Variants in CCDC150 observed in about 807,000 individuals in gnomAD.
CCDC150 encodes the protein coiled-coil domain containing 150, also known as coiled-coil domain-containing protein 150.
A neutral mutation model predicts 156.5 loss-of-function variants in CCDC150; 151 were observed. That is an observed-to-expected ratio of 0.97 (90% confidence interval 0.85 to 1.10). The LOEUF is 1.10. Among genes scored for constraint, CCDC150 ranks in the 50% least tolerant of loss-of-function variants. The pLI is 0.00. For synonymous variants in CCDC150, 452 were observed against 429.4 expected, an observed-to-expected ratio of 1.05 and a Z score of -0.65; for missense variants, 1,312 against 1,268.1, an observed-to-expected ratio of 1.03 and a Z score of -0.53.
intron 15 of CCDC150, among the ~76,000 whole-genome samples, chr2:196,706,202 G>C (rs1482770680): frequency 6.6e-6 from 1 of 152,210 alleles, no homozygotes. Context: ...TTGTTGAGCA[G>C]TGGTTTGTAG....
intron 13 of CCDC150, among the ~76,000 whole-genome samples, chr2:196,687,763 G>A (rs1294222727): frequency 1.3e-5 from 2 of 152,086 alleles, no homozygotes; most frequent in Admixed American, 6.5e-5. Context: ...GCTATTTTGA[G>A]TTAATTTTTG....
At chr2:196,641,102 A>G (rs1190736894) in intron 1 of CCDC150, among the ~76,000 whole-genome samples, 3 of 152,026 alleles carry the variant, frequency 2.0e-5, no homozygotes, top group South Asian at 2.1e-4. Flanking sequence ...AGCTGAAACT[A>G]CAGGAGCACG....
Position 196,666,810 on chromosome 2 carries a change from A to T in CCDC150, c.854A>T (p.Glu285Val), listed in dbSNP as rs1693869989. The change falls in exon 7 of 28, where the codon GAG becomes GTG. Residue 285 changes from glutamate (E) to valine (V), a missense_variant. Transcript: ENST00000389175. ...GCCCAGGAACAAAAAAAAAAAGAAG[A>T]GTTGGAGATTGCTACTTCACAGCTC... ...LLAQEQKKKE[E>V]LEIATSQLKS... is the part of the protein sequence containing the mutation. 3.7e-6 allele frequency: 6 copies of T among 1,613,124 alleles called. 1 individual carries two copies. Among genetic ancestry groups the T allele is most frequent in the South Asian group, 3.3e-5 (3 of 90,960 alleles).
At chr2:196,652,950 C>A (rs79567672) in intron 2 of CCDC150, among the ~76,000 whole-genome samples, 17,354 of 152,230 alleles carry the variant, frequency 0.11, 1,096 homozygotes, top group Middle Eastern at 0.19. Context: ...GTATCTGGGG[C>A]CCTTTGAGCC....
At chr2:196,662,879 C>T (rs1045774064) in intron 5 of CCDC150, among the ~76,000 whole-genome samples, 4 of 149,346 alleles carry the variant, frequency 2.7e-5, no homozygotes, top group East Asian at 4.0e-4. Context: ...GAGGCTGCAG[C>T]GATCATGCCA....
In CCDC150 at chr2:196,677,429, T is replaced by C. The variant is rs1446222110; in HGVS notation, c.1509+68T>C. 3 of 1,033,740 alleles carry C rather than the reference T, an allele frequency of 2.9e-6. No homozygotes were observed. The African/African-American group carries it at 4.8e-5, about 16-fold the overall frequency. The allele number at this position is 1,033,740 out of a possible 1,614,324, so 64.0% of individuals were successfully genotyped here. On this transcript the variant is annotated intron_variant, in intron 13 of 27. Transcript: ENST00000389175. ...CTGTATTGCTGACTACCGTATCAGCTTATCTTAATGAGGAGATGGCTGATG... is the reference window on the plus strand; with the variant it reads ...CTGTATTGCTGACTACCGTATCAGCCTATCTTAATGAGGAGATGGCTGATG...
rs1698556794 is a variant in CCDC150 at position 196,732,219 on chromosome 2, A to C, written c.3189+67A>C. ...TTGCTTCTCAGATTTCTAATTACCG[A>C]AGTTCTCTCATCATCTCGATACTCT... On this transcript the variant is annotated intron_variant, in intron 27 of 27. Coordinates refer to ENST00000389175, the MANE Select transcript of CCDC150 (RefSeq NM_001080539.2). 4 of 1,548,072 alleles carry C rather than the reference A, an allele frequency of 2.6e-6. No homozygotes were observed. The South Asian group carries it at 4.5e-5, about 17-fold the overall frequency.
intron 2 of CCDC150, among the ~76,000 whole-genome samples, chr2:196,646,940 A>G (rs1021799887): frequency 2.0e-5 from 3 of 152,148 alleles, no homozygotes; most frequent in Non-Finnish European, 2.9e-5. Flanking sequence ...TAAAAATTTT[A>G]TAATTTAGAA....
chr2:196,716,769 T>C (rs1180634041), intron 17 of CCDC150, among the ~76,000 whole-genome samples: 1 of 151,624 alleles, frequency 6.6e-6, no homozygotes, highest in Non-Finnish European at 1.5e-5. Context: ...ATATCAGTTA[T>C]ACCTCAGAAA....
intron 11 of CCDC150, 71 bp downstream of exon 11, chr2:196,676,338 C>T: frequency 1.3e-6 from 2 of 1,555,440 alleles, no homozygotes; most frequent in Middle Eastern, 1.7e-4. Context: ...ATGTGTCCGT[C>T]TCAGTCTTAT....
At chr2:196,678,358 T>C (rs1431804884) in intron 13 of CCDC150, among the ~76,000 whole-genome samples, 1 of 152,218 alleles carries the variant, frequency 6.6e-6, no homozygotes, top group African/African-American at 2.4e-5. Flanking sequence ...CATGTAAACT[T>C]TTAATTTAAG....
chr2:196,656,532 A>T, intron 2 of CCDC150, 101 bp from the exon 3 acceptor site: 1 of 808,774 alleles, frequency 1.2e-6, no homozygotes, highest in Non-Finnish European at 2.0e-6. Flanking sequence ...GTCACTCTCC[A>T]ATTATTATTC....
At chr2:196,672,814 A>G (rs942355322) in intron 9 of CCDC150, among the ~76,000 whole-genome samples, 2 of 152,130 alleles carry the variant, frequency 1.3e-5, no homozygotes, top group Admixed American at 6.6e-5. Flanking sequence ...GTAAATAATT[A>G]TACAGTAGGA....
intron 23 of CCDC150, 162 bp downstream of exon 23, chr2:196,729,549 T>A: frequency 1.4e-6 from 1 of 702,504 alleles, no homozygotes; most frequent in Non-Finnish European, 2.4e-6. Context: ...GAGTCACTGC[T>A]GTGTAAATGT....
chr2:196,655,461 T>C (rs555350823), intron 2 of CCDC150, among the ~76,000 whole-genome samples: 3 of 152,270 alleles, frequency 2.0e-5, no homozygotes, highest in African/African-American at 7.2e-5. Context: ...AGGGGAGAAG[T>C]CTTGGCAAGT....
At chr2:196,700,484 A>T (rs1696134411) in intron 14 of CCDC150, among the ~76,000 whole-genome samples, 1 of 152,146 alleles carries the variant, frequency 6.6e-6, no homozygotes, top group African/African-American at 2.4e-5. Context: ...TTTTTTTCTG[A>T]TGTAGTCTGA....
rs549312035 is a variant in CCDC150 at position 196,646,353 on chromosome 2, A to G, written c.25A>G (p.Thr9Ala). 6.4e-5 allele frequency: 104 copies of G among 1,613,804 alleles called. No homozygotes were observed. Among genetic ancestry groups the G allele is most frequent in the Admixed American group, 3.5e-4 (21 of 60,022 alleles). ...ACTGTATTCTTAGGTACATATGGAA[A>G]CTACAGTGTCCAGACCGGTCCTTTC... Reference protein sequence around the residue: MDCKVHMETTVSRPVLSPT... With the variant: MDCKVHMEATVSRPVLSPT... The change falls in exon 2 of 28, where the codon ACT becomes GCT. Residue 9 changes from threonine (T) to alanine (A), a missense_variant. Transcript: ENST00000389175.
chr2:196,669,731 A>C (rs1466508370), intron 7 of CCDC150, 102 bp from the exon 8 acceptor site: 3 of 805,246 alleles, frequency 3.7e-6, no homozygotes, highest in Non-Finnish European at 6.2e-6. Context: ...GGTTCTCCTT[A>C]TCTCTACAAA....
intron 1 of CCDC150, among the ~76,000 whole-genome samples, chr2:196,640,026 G>C (rs1369291592): frequency 1.3e-5 from 2 of 152,220 alleles, no homozygotes; most frequent in African/African-American, 4.8e-5. Flanking sequence ...GAAGCCTCCA[G>C]ATAAGCCCAA....
Sources: gnomAD v4.1 joint callset for allele counts (sites outside exome capture counted in the v4.1 genomes callset) on GRCh38, gnomAD v4.1.1 for gene constraint, MANE v1.5 for transcripts, NCBI Gene and HGNC (gene_info 2026-07-23, HGNC 2026-07-21) for gene names.